FAM168A: variants seen among roughly 807,000 people sequenced by gnomAD.
FAM168A encodes the protein protein FAM168A.
A neutral mutation model predicts 28.5 loss-of-function variants in FAM168A; 3 were observed. That is an observed-to-expected ratio of 0.11 (90% CI 0.05 to 0.27). The LOEUF (loss-of-function observed/expected upper bound fraction) is 0.27. Ranked by LOEUF, FAM168A falls within the 10% of genes least tolerant of loss-of-function variation. The probability of loss-of-function intolerance (pLI) is 1.00; values close to 1 mark genes in which losing one functional copy is unlikely to be tolerated. For synonymous variants in FAM168A, 122 were observed against 124.2 expected (o/e 0.98, Z 0.12); for missense variants, 222 against 311.5 (o/e 0.71, Z 2.16).
At chr11:73,561,863 C>T (rs1590730378) in intron 1 of FAM168A, among the ~76,000 whole-genome samples, 6 of 152,156 alleles carry the variant, frequency 3.9e-5, no homozygotes, top group Admixed American at 3.3e-4. Flanking sequence ...ATTTTAATAC[C>T]CTTTTATCCC....
intron 1 of FAM168A, among the ~76,000 whole-genome samples, chr11:73,552,730 G>A (rs1943843953): frequency 6.6e-6 from 1 of 152,222 alleles, no homozygotes; most frequent in African/African-American, 2.4e-5. Flanking sequence ...GCCAAGATGG[G>A]TGGATCCCTT....
chr11:73,560,354 T>C (rs552096366), intron 1 of FAM168A, among the ~76,000 whole-genome samples: 2 of 152,170 alleles, frequency 1.3e-5, no homozygotes, highest in Admixed American at 6.5e-5. Context: ...TGAGCAACCA[T>C]GCCCAGTCTC....
chr11:73,537,390 G>A (rs758660750), intron 1 of FAM168A, among the ~76,000 whole-genome samples: 11 of 151,996 alleles, frequency 7.2e-5, no homozygotes, highest in Admixed American at 2.0e-4. Flanking sequence ...GCGAAACCCC[G>A]TCTCTACTAA....
At chr11:73,442,684 G>A (rs1170291850) in intron 2 of FAM168A, among the ~76,000 whole-genome samples, 1 of 151,844 alleles carries the variant, frequency 6.6e-6, no homozygotes, top group African/African-American at 2.4e-5. Context: ...CGTACTGAGA[G>A]TTGTTTTATG....
At chr11:73,413,292 G>A (rs1223792829) in intron 4 of FAM168A, among the ~76,000 whole-genome samples, 1 of 152,200 alleles carries the variant, frequency 6.6e-6, no homozygotes, top group Non-Finnish European at 1.5e-5. Context: ...ATAGTTTTGT[G>A]ATCAAATATG....
rs1037956875 is a variant in FAM168A, at chr11:73,539,021, A to G, written c.-19+58902T>C. ...GAAGATGAGACAAAAAGGAACTTAC[A>G]GGTTAAATAAGATAATGTTAAGTAA... On this transcript the variant is annotated intron_variant, in intron 1 of 7. Coordinates refer to ENST00000356467, the MANE Select transcript of FAM168A (RefSeq NM_015159.3). Among the ~76,000 whole-genome samples the G allele has an allele frequency of 3.3e-5, 5 of 152,220 alleles. 1 individual carries two copies. The highest frequency in any genetic ancestry group is 7.2e-5 in the African/African-American group (3 of 41,464).
At position 73,401,260 on chromosome 11, in the gene FAM168A, T is replaced by C. The variant is rs61345051; in HGVS notation, c.*5503A>G. 0.083 allele frequency: 12,637 copies of C among 152,284 alleles called. 657 individuals carry two copies. Among genetic ancestry groups the C allele is most frequent in the Non-Finnish European group, 0.11 (7,364 of 68,036 alleles). 9.4% of individuals were successfully genotyped at this position (152,284 alleles called of 1,614,324 possible). A position where few individuals can be genotyped will look rare whatever the true frequency, so the allele number is the denominator to read the frequency against. The stretch of plus-strand genomic sequence containing the variant: ...TACATGCCATGAGAACAGGTTTCTC[T>C]GTCATGTGATATGAAACAGGGAAGC... On this transcript the variant is annotated 3_prime_UTR_variant, in exon 8 of 8. Transcript: ENST00000356467.
intron 1 of FAM168A, among the ~76,000 whole-genome samples, chr11:73,540,070 C>G (rs1434072127): frequency 1.3e-5 from 2 of 152,208 alleles, no homozygotes; most frequent in African/African-American, 4.8e-5. Context: ...TCATCAACTT[C>G]TAAATCATTT....
At chr11:73,597,517 C>G (rs1944450832) in intron 1 of FAM168A, among the ~76,000 whole-genome samples, 1 of 151,968 alleles carries the variant, frequency 6.6e-6, no homozygotes, top group East Asian at 1.9e-4. Context: ...CAGCTCAGAT[C>G]CCAAGCTGTC....
intron 4 of FAM168A, among the ~76,000 whole-genome samples, chr11:73,418,591 A>G (rs957577279): frequency 2.0e-5 from 3 of 152,226 alleles, no homozygotes; most frequent in Admixed American, 1.3e-4. Flanking sequence ...AAAAAATACA[A>G]TGAATTCTTC....
intron 1 of FAM168A, among the ~76,000 whole-genome samples, chr11:73,594,359 CAA>C (rs1944418838): frequency 6.6e-6 from 1 of 152,042 alleles, no homozygotes; most frequent in Non-Finnish European, 1.5e-5. Context: ...CTCAGCCTCC[CAA>C]AGTCTGGGAT....
rs972716893 is a variant in FAM168A, at chr11:73,404,701, T to C, written c.*2062A>G. ...AGGTGGGCCCCCAAACTCCTGGCTCTAGGCCAAGGAGGCTGATGGGCTTTA... is the reference window on the plus strand; with the variant it reads ...AGGTGGGCCCCCAAACTCCTGGCTCCAGGCCAAGGAGGCTGATGGGCTTTA... On this transcript the variant is annotated 3_prime_UTR_variant, in exon 8 of 8. Coordinates refer to ENST00000356467, the MANE Select transcript of FAM168A (RefSeq NM_015159.3). 2.0e-5 allele frequency: 3 copies of C among 152,254 alleles called. No individual in the cohort carries two copies. Among genetic ancestry groups the C allele is most frequent in the African/African-American group, 7.2e-5 (3 of 41,476 alleles). The allele number at this position is 152,254 out of a possible 1,614,324, so 9.4% of individuals were successfully genotyped here.
intron 1 of FAM168A, among the ~76,000 whole-genome samples, chr11:73,477,773 A>T (rs1215583493): frequency 6.6e-6 from 1 of 152,184 alleles, no homozygotes; most frequent in Non-Finnish European, 1.5e-5. Flanking sequence ...ACACATTCCC[A>T]GATAAATAAT....
At chr11:73,575,785 C>T (rs186974745) in intron 1 of FAM168A, among the ~76,000 whole-genome samples, 2 of 152,040 alleles carry the variant, frequency 1.3e-5, no homozygotes, top group Admixed American at 1.3e-4. Context: ...AGGACAATCA[C>T]TTGAACCTGG....
chr11:73,422,287 T>C (rs1231113034), intron 3 of FAM168A, among the ~76,000 whole-genome samples: 1 of 152,266 alleles, frequency 6.6e-6, no homozygotes, highest in Non-Finnish European at 1.5e-5. Flanking sequence ...TGAACTATAC[T>C]GTATATTTTT....
intron 4 of FAM168A, among the ~76,000 whole-genome samples, chr11:73,413,626 T>C (rs959904025): frequency 6.6e-6 from 1 of 152,230 alleles, no homozygotes; most frequent in African/African-American, 2.4e-5. Context: ...TTCCCAAATG[T>C]GGACAACGTA....
chr11:73,424,821 C>T (rs368811343), intron 3 of FAM168A, among the ~76,000 whole-genome samples: 2 of 152,116 alleles, frequency 1.3e-5, no homozygotes, highest in Non-Finnish European at 2.9e-5. Flanking sequence ...GCCCTAGGGA[C>T]GGTTCATGTG....
chr11:73,574,081 C>T (rs1944141934), intron 1 of FAM168A, among the ~76,000 whole-genome samples: 1 of 150,416 alleles, frequency 6.6e-6, no homozygotes, highest in Non-Finnish European at 1.5e-5. Flanking sequence ...CATGAGCCCA[C>T]CACTGTACTC....
At chr11:73,420,353 C>T (rs1352628405) in intron 3 of FAM168A, among the ~76,000 whole-genome samples, 1 of 152,212 alleles carries the variant, frequency 6.6e-6, no homozygotes, top group African/African-American at 2.4e-5. Context: ...TGTGTAACAA[C>T]TTGGGAGCCT....
Sources: gnomAD v4.1 joint callset for allele counts (sites outside exome capture counted in the v4.1 genomes callset) on GRCh38, gnomAD v4.1.1 for gene constraint, MANE v1.5 for transcripts, NCBI Gene and HGNC (gene_info 2026-07-23, HGNC 2026-07-21) for gene names.